Variants in AGBL1 observed in about 807,000 individuals in gnomAD.
AGBL1 encodes the protein cytosolic carboxypeptidase 4.
A neutral mutation model predicts 118.9 loss-of-function variants in AGBL1; 130 were observed. That is an observed-to-expected ratio of 1.09 (90% CI 0.95 to 1.26). The LOEUF (loss-of-function observed/expected upper bound fraction) is 1.26. Ranked by LOEUF, AGBL1 falls within the 50% of genes most tolerant of loss-of-function variation. The probability of loss-of-function intolerance (pLI) is 0.00; values close to 1 mark genes in which losing one functional copy is unlikely to be tolerated. For synonymous variants in AGBL1, 555 were observed against 478.9 expected (o/e 1.16, Z -2.08); for missense variants, 1,584 against 1,298.1 (o/e 1.22, Z -3.38).
At chr15:86,080,279 T>G (rs1895177509) in intron 1 of AGBL1, 1 of 339,918 alleles carries the variant, frequency 2.9e-6, no homozygotes. Flanking sequence ...GGGTAAAAGA[T>G]CCGAGTTTTC....
intron 21 of AGBL1, among the ~76,000 whole-genome samples, chr15:86,566,312 T>G (rs1337484333): frequency 6.6e-6 from 1 of 152,238 alleles, no homozygotes; most frequent in African/African-American, 2.4e-5. Flanking sequence ...AGGGAGAAAG[T>G]GCTCTGCTTT....
intron 21 of AGBL1, among the ~76,000 whole-genome samples, chr15:86,621,947 G>A (rs2346710): frequency 0.43 from 64,739 of 151,962 alleles, 14,529 homozygotes; most frequent in East Asian, 0.63. Context: ...GACATTTTTA[G>A]AGATCTAGCG....
chr15:86,128,618 A>G (rs1169702029), intron 1 of AGBL1, among the ~76,000 whole-genome samples: 1 of 152,216 alleles, frequency 6.6e-6, no homozygotes, highest in Non-Finnish European at 1.5e-5. Flanking sequence ...CCCCAGTTCA[A>G]CCTTACAGTG....
chr15:86,578,127 G>T (rs891444812), intron 21 of AGBL1, among the ~76,000 whole-genome samples: 6 of 152,290 alleles, frequency 3.9e-5, no homozygotes, highest in African/African-American at 1.4e-4. Context: ...TGTGAAAGCA[G>T]CCAGAAGGGA....
chr15:86,830,309 A>G (rs989362842), intron 22 of AGBL1, among the ~76,000 whole-genome samples: 35 of 152,154 alleles, frequency 2.3e-4, no homozygotes, highest in Non-Finnish European at 2.5e-4. Flanking sequence ...TGAGAGGTTA[A>G]CTTCTAATCT....
intron 18 of AGBL1, among the ~76,000 whole-genome samples, chr15:86,398,389 A>G (rs1032687522): frequency 1.3e-5 from 2 of 152,212 alleles, no homozygotes; most frequent in Non-Finnish European, 2.9e-5. Flanking sequence ...TGCCATGGTA[A>G]TAGATGAATA....
intron 5 of AGBL1, among the ~76,000 whole-genome samples, chr15:86,179,799 G>A (rs1024621301): frequency 7.9e-5 from 12 of 152,062 alleles, no homozygotes; most frequent in Non-Finnish European, 7.4e-5. Context: ...AAATTCCAAC[G>A]GAATCTATAC....
intron 17 of AGBL1, 104 bp downstream of exon 17, chr15:86,295,512 G>A: frequency 8.2e-7 from 1 of 1,225,786 alleles, no homozygotes; most frequent in South Asian, 1.8e-5. Context: ...ATAAAGGGTT[G>A]GAGACTGTCT....
intron 18 of AGBL1, among the ~76,000 whole-genome samples, chr15:86,435,289 C>G (rs947560670): frequency 1.3e-5 from 2 of 152,094 alleles, no homozygotes; most frequent in African/African-American, 2.4e-5. Flanking sequence ...TGAGGTTATG[C>G]TGAAGGCAGT....
At chr15:86,293,876 C>G (rs1187177229) in intron 16 of AGBL1, among the ~76,000 whole-genome samples, 2 of 152,064 alleles carry the variant, frequency 1.3e-5, no homozygotes, top group African/African-American at 4.8e-5. Context: ...TTCTCCTTGG[C>G]CCTCTTAATA....
chr15:86,830,387 A>T (rs930760615), intron 22 of AGBL1, among the ~76,000 whole-genome samples: 1 of 152,166 alleles, frequency 6.6e-6, no homozygotes, highest in Non-Finnish European at 1.5e-5. Flanking sequence ...AAACAATCAT[A>T]GTAAAGCATT....
At chr15:86,950,406 CTCATA>C (rs1411693075) in intron 23 of AGBL1, among the ~76,000 whole-genome samples, 3 of 150,670 alleles carry the variant, frequency 2.0e-5, no homozygotes, top group East Asian at 1.9e-4. Context: ...TAAAAAAATA[CTCATA>C]TCAGGAGTAG....
chr15:86,765,394 C>A (rs996488782), intron 22 of AGBL1, among the ~76,000 whole-genome samples: 4 of 151,980 alleles, frequency 2.6e-5, no homozygotes, highest in African/African-American at 9.7e-5. Context: ...AGTCAACAGA[C>A]AACTACAATC....
chr15:86,843,176 A>C (rs945920279), intron 22 of AGBL1, among the ~76,000 whole-genome samples: 3 of 152,252 alleles, frequency 2.0e-5, no homozygotes, highest in African/African-American at 7.2e-5. Flanking sequence ...ATGCATCTGC[A>C]TTTACCACAG....
chr15:86,618,353 G>C (rs2084758916), intron 21 of AGBL1, among the ~76,000 whole-genome samples: 1 of 152,132 alleles, frequency 6.6e-6, no homozygotes. Context: ...TTTAGATGGG[G>C]CTCATTACAT....
At chr15:86,872,812 AT>A (rs2079749288) in intron 22 of AGBL1, among the ~76,000 whole-genome samples, 1 of 152,218 alleles carries the variant, frequency 6.6e-6, no homozygotes, top group Non-Finnish European at 1.5e-5. Flanking sequence ...CCATAATGAT[AT>A]GTTTAGCAAT....
intron 23 of AGBL1, among the ~76,000 whole-genome samples, chr15:86,925,051 G>C (rs1275238172): frequency 1.3e-5 from 2 of 151,278 alleles, no homozygotes; most frequent in Non-Finnish European, 2.9e-5. Flanking sequence ...GCAGTGAGCC[G>C]AGACTGCACC....
chr15:86,471,814 C>G (rs2082483193), intron 18 of AGBL1, among the ~76,000 whole-genome samples: 1 of 152,036 alleles, frequency 6.6e-6, no homozygotes, highest in Non-Finnish European at 1.5e-5. Context: ...GAATGGTGAC[C>G]TCCAAAAAGA....
chr15:86,135,646 C>G (rs2076879486), intron 1 of AGBL1, among the ~76,000 whole-genome samples: 1 of 152,138 alleles, frequency 6.6e-6, no homozygotes, highest in African/African-American at 2.4e-5. Flanking sequence ...GTGAAAGACC[C>G]CATGCTAGGA....
Sources: gnomAD v4.1 joint callset for allele counts (sites outside exome capture counted in the v4.1 genomes callset) on GRCh38, gnomAD v4.1.1 for gene constraint, MANE v1.5 for transcripts, NCBI Gene and HGNC (gene_info 2026-07-23, HGNC 2026-07-21) for gene names.